Variants in B4GALNT2 observed in about 807,000 individuals in gnomAD.
The protein encoded by B4GALNT2 is N-acetylneuraminylgalactosylglucosyl-glucoside beta-1,4-N- acetylgalactosaminyltransferase 2.
A neutral mutation model predicts 51.1 loss-of-function variants in B4GALNT2; 42 were observed. The observed-to-expected ratio is 0.82, with a 90% CI of 0.64 to 1.06. The LOEUF (loss-of-function observed/expected upper bound fraction) is 1.06, where lower values mean the gene tolerates loss of function less well. B4GALNT2 is among the 50% of genes least tolerant of loss of function. The pLI is 0.00. For missense variants in B4GALNT2, 602 were observed against 633.6 expected, an observed-to-expected ratio of 0.95 and a Z score of 0.54; for synonymous variants, 253 against 251.7, an observed-to-expected ratio of 1.01 and a Z score of -0.05.
At chr17:49,156,199 C>T (rs2042808445) in intron 4 of B4GALNT2, among the ~76,000 whole-genome samples, 2 of 152,150 alleles carry the variant, frequency 1.3e-5, no homozygotes, top group African/African-American at 4.8e-5. Context: ...TGGCAACCAC[C>T]GTTCTGCTTT....
At chr17:49,125,977 C>T in the B4GALNT2 span, among the ~76,000 whole-genome samples, 3 of 151,542 alleles carry the variant, frequency 2.0e-5, no homozygotes, top group Non-Finnish European at 2.9e-5. Flanking sequence ...CTCTGCCCGG[C>T]CGCCACCCCG....
chr17:49,149,856 T>G (rs1369985331), intron 3 of B4GALNT2, among the ~76,000 whole-genome samples: 1 of 152,196 alleles, frequency 6.6e-6, no homozygotes, highest in African/African-American at 2.4e-5. Flanking sequence ...CACACTTTCA[T>G]GAAGAGTGGG....
chr17:49,129,949 T>G (rs2042528972), upstream of B4GALNT2, among the ~76,000 whole-genome samples: 4 of 152,234 alleles, frequency 2.6e-5, no homozygotes, highest in Admixed American at 2.6e-4. Flanking sequence ...AAGATGGTGA[T>G]GCTCCTGTCT....
intron 3 of B4GALNT2, among the ~76,000 whole-genome samples, chr17:49,151,106 G>A (rs2042750698): frequency 0.067 from 2 of 30 alleles, no homozygotes; most frequent in Non-Finnish European, 0.17. Flanking sequence ...CGGGCGCGGT[G>A]GCTCACGCCT....
At chr17:49,148,382 A>G (rs1004945245) in intron 3 of B4GALNT2, 23 of 352,840 alleles carry the variant, frequency 6.5e-5, no homozygotes, top group African/African-American at 4.9e-4. Context: ...TCTGCCTCTT[A>G]CTGGAATTTG....
rs547797609 is a variant in B4GALNT2, at chr17:49,143,945, C to T, written c.353+1773C>T. Among the ~76,000 whole-genome samples, 84 of 152,086 alleles carry T rather than the reference C, an allele frequency of 5.5e-4. 1 individual carries two copies. Among genetic ancestry groups the T allele is most frequent in the African/African-American group, 1.8e-3 (76 of 41,510 alleles). On this transcript the variant is annotated intron_variant, in intron 3 of 10. Coordinates refer to ENST00000393354, the MANE Select transcript of B4GALNT2 (RefSeq NM_001159387.2). Reference sequence around the variant, plus strand: ...GGTGAACCACCTGAGGTCAGGAGTTCGAGGCCAGCCTGGGCAACATGGCGA... The same window carrying T: ...GGTGAACCACCTGAGGTCAGGAGTTTGAGGCCAGCCTGGGCAACATGGCGA...
Position 49,174,013 on chromosome 17 carries a change from C to T in B4GALNT2, c.*4285C>T, listed in dbSNP as rs2042973513. The T allele has an allele frequency of 6.6e-6, 1 of 152,046 alleles. No homozygotes were observed. The highest frequency in any genetic ancestry group is 1.5e-5 in the Non-Finnish European group (1 of 68,018). 9.4% of individuals were successfully genotyped at this position (152,046 alleles called of 1,614,324 possible). ...AGTAGGTCATATCCAATTAATGTCC[C>T]CTGGTAATTTTTGAAAGTCATTTAA... On this transcript the variant is annotated 3_prime_UTR_variant, in exon 11 of 11. Transcript: ENST00000393354.
chr17:49,157,898 G>A (rs749944166), intron 5 of B4GALNT2, among the ~76,000 whole-genome samples: 12 of 152,188 alleles, frequency 7.9e-5, no homozygotes, highest in Non-Finnish European at 1.3e-4. Context: ...CCTGTAACTC[G>A]GTTTTTAGAA....
At chr17:49,132,954 A>T (rs2042553213) in intron 1 of B4GALNT2, 148 bp downstream of exon 1, 2 of 1,401,212 alleles carry the variant, frequency 1.4e-6, no homozygotes. Flanking sequence ...CTTAAGTCCA[A>T]CCGGTTCCCC....
In B4GALNT2 at chr17:49,170,011, C is replaced by T. The variant is rs966239168; in HGVS notation, c.*283C>T. On this transcript the variant is annotated 3_prime_UTR_variant, in exon 11 of 11. Coordinates refer to ENST00000393354, the MANE Select transcript of B4GALNT2 (RefSeq NM_001159387.2). ...GCATGGGCAGTATCTCACATCATCTCATCTGATATCACACAAAGATGACAT... is the reference window on the plus strand; with the variant it reads ...GCATGGGCAGTATCTCACATCATCTTATCTGATATCACACAAAGATGACAT... 16 of 303,682 alleles carry T rather than the reference C, an allele frequency of 5.3e-5. No individual in the cohort carries two copies. The highest frequency in any genetic ancestry group is 8.5e-5 in the Non-Finnish European group (14 of 164,394). The allele number at this position is 303,682 out of a possible 1,614,324, so 18.8% of individuals were successfully genotyped here.
At chr17:49,133,030 G>T in intron 1 of B4GALNT2, 1 of 1,490,594 alleles carries the variant, frequency 6.7e-7, no homozygotes, top group Admixed American at 2.8e-5. Context: ...CCAGGAATGG[G>T]GAGCGCTGGC....
upstream of B4GALNT2, chr17:49,132,553 T>C (rs557716961): frequency 2.0e-5 from 8 of 409,552 alleles, no homozygotes; most frequent in South Asian, 1.2e-4. Context: ...GCGGGGATTG[T>C]GTTTTTCTTT....
In B4GALNT2 at chr17:49,159,163, C is replaced by A; in HGVS notation, c.625C>A (p.Leu209Ile). 6.2e-7 allele frequency: 1 copy of A among 1,614,200 alleles called. No individual in the cohort carries two copies. Among genetic ancestry groups the A allele is most frequent in the Non-Finnish European group, 8.5e-7 (1 of 1,180,046 alleles). The change falls in exon 6 of 11, where the codon CTT becomes ATT. Residue 209 changes from leucine (L) to isoleucine (I), a missense_variant. Physicochemically the swap from Leu to Ile is conservative, Grantham distance 5. Coordinates refer to ENST00000393354, the MANE Select transcript of B4GALNT2 (RefSeq NM_001159387.2). The part of the protein sequence containing the change: ...TSDRKLLKFI[L>I]QHVTYTSTGY... ...TGACCGGAAGCTGTTGAAGTTCATT[C>A]TTCAGCACGTGACATACACCAGCAC... is the stretch of plus-strand genomic sequence containing the variant.
At position 49,172,181 on chromosome 17, in the gene B4GALNT2, C is replaced by G. The variant is rs989678711; in HGVS notation, c.*2453C>G. ...CCAGGTAGGTGGCTGTGTTCGACAG[C>G]TGTTGCTCATGATAGTTGGGGTCCT... On this transcript the variant is annotated 3_prime_UTR_variant, in exon 11 of 11. Transcript: ENST00000393354. 2 of 264,974 alleles carry G rather than the reference C, an allele frequency of 7.5e-6. No homozygotes were observed. Among genetic ancestry groups the G allele is most frequent in the African/African-American group, 4.5e-5 (2 of 44,420 alleles). 16.4% of individuals were successfully genotyped at this position (264,974 alleles called of 1,614,324 possible).
At chr17:49,158,962 G>T in intron 5 of B4GALNT2, 75 bp from the exon 6 acceptor site, 2 of 1,515,856 alleles carry the variant, frequency 1.3e-6, no homozygotes, top group Admixed American at 1.7e-5. Flanking sequence ...CTCCTGGCCT[G>T]GGTATGTATG....
intron 1 of B4GALNT2, among the ~76,000 whole-genome samples, chr17:49,134,928 A>G (rs375731619): frequency 6.6e-6 from 1 of 152,264 alleles, no homozygotes; most frequent in African/African-American, 2.4e-5. Flanking sequence ...TCATCCTACA[A>G]TGTTACAAAA....
At chr17:49,132,885 G>A in intron 1 of B4GALNT2, 79 bp downstream of exon 1, 1 of 1,375,990 alleles carries the variant, frequency 7.3e-7, no homozygotes, top group Non-Finnish European at 9.4e-7. Context: ...TCTGGCGTCT[G>A]CAGAGCGGGC....
chr17:49,152,336 C>T lies in B4GALNT2; in HGVS notation c.354-464C>T, dbSNP rs2042765675. On this transcript the variant is annotated intron_variant, in intron 3 of 10. Coordinates refer to ENST00000393354, the MANE Select transcript of B4GALNT2 (RefSeq NM_001159387.2). The stretch of plus-strand genomic sequence containing the variant: ...AAGACTGCTGCGAGCCGTGATTGTG[C>T]CACTGTACTCCAGCCAGGGTGACAA... Among the ~76,000 whole-genome samples the T allele has an allele frequency of 3.9e-5, 6 of 152,268 alleles. No individual in the cohort carries two copies. The South Asian group carries it at 1.2e-3, about 32-fold the overall frequency.
At chr17:49,124,944 C>A in the B4GALNT2 span, among the ~76,000 whole-genome samples, 14 of 152,148 alleles carry the variant, frequency 9.2e-5, no homozygotes, top group Non-Finnish European at 1.8e-4. Flanking sequence ...AATTAACCTT[C>A]CAAAAATTGC....
Sources: allele counts gnomAD v4.1 joint callset (sites outside exome capture counted in the v4.1 genomes callset), GRCh38; gene constraint gnomAD v4.1.1; transcripts MANE v1.5; gene names NCBI Gene and HGNC (gene_info 2026-07-23, HGNC 2026-07-21).